The following ANXA2 variants were observed in gnomAD, a reference collection of about 807,000 sequenced individuals.
ANXA2 encodes annexin A2, also known as annexin II.
ANXA2 carries 28 observed loss-of-function variants against 47.3 expected under a neutral mutation model. The observed-to-expected ratio is 0.59, with a 90% CI of 0.44 to 0.81. The LOEUF is 0.81. Among genes scored for constraint, ANXA2 ranks in the 40% least tolerant of loss-of-function variants. The probability of loss-of-function intolerance (pLI) is 0.00; values close to 1 mark genes in which losing one functional copy is unlikely to be tolerated. For missense variants in ANXA2, 384 were observed against 414.3 expected (o/e 0.93, Z 0.64); for synonymous variants, 172 against 155.5 (o/e 1.11, Z -0.79).
At chr15:60,365,351 T>A (rs1335062436) in intron 3 of ANXA2, among the ~76,000 whole-genome samples, 1 of 152,184 alleles carries the variant, frequency 6.6e-6, no homozygotes, top group Non-Finnish European at 1.5e-5. Context: ...ACTCCTAACA[T>A]GCCATTTAAC....
Position 60,349,329 on chromosome 15 carries a change from C to T in ANXA2, c.838-132G>A, listed in dbSNP as rs747841703. 3.1e-4 allele frequency: 270 copies of T among 857,554 alleles called. 5 individuals are homozygous for T. The highest frequency in any genetic ancestry group is 1.9e-3 in the South Asian group (111 of 59,086). The allele number at this position is 857,554 out of a possible 1,614,324, so 53.1% of individuals were successfully genotyped here. A position where few individuals can be genotyped will look rare whatever the true frequency, so the allele number is the denominator to read the frequency against. ...CCAAAATCCAAAACTTTTTCAGTGC[C>T]GACATGATGCCACAATGAAAAATTC... On this transcript the variant is annotated intron_variant, in intron 11 of 12. Coordinates refer to ENST00000451270, the MANE Select transcript of ANXA2 (RefSeq NM_004039.3).
At chr15:60,385,058 T>C (rs2062913719) in intron 2 of ANXA2, among the ~76,000 whole-genome samples, 1 of 152,208 alleles carries the variant, frequency 6.6e-6, no homozygotes, top group Non-Finnish European at 1.5e-5. Flanking sequence ...ATAGCTTAAA[T>C]TTTTTATTTG....
chr15:60,362,588 C>T (rs955276179), intron 4 of ANXA2: 1 of 152,220 alleles, frequency 6.6e-6, no homozygotes, highest in African/African-American at 2.4e-5. Context: ...GCCCGTATCC[C>T]TAAAGAACTC....
At chr15:60,386,130 C>G (rs775453201) in intron 1 of ANXA2, 44 bp from the exon 2 acceptor site, 1 of 1,324,830 alleles carries the variant, frequency 7.5e-7, no homozygotes, top group Non-Finnish European at 1.1e-6. Context: ...AGAGGCTCTC[C>G]TTTACTCTGA....
chr15:60,387,980 G>A (rs866966499), intron 1 of ANXA2, among the ~76,000 whole-genome samples: 21 of 152,246 alleles, frequency 1.4e-4, no homozygotes, highest in African/African-American at 5.1e-4. Context: ...ACGAGGTCAG[G>A]AGATAGAGAC....
chr15:60,366,683 T>G (rs1174647286), intron 3 of ANXA2, among the ~76,000 whole-genome samples: 21 of 108,098 alleles, frequency 1.9e-4, no homozygotes, highest in South Asian at 3.3e-4. Flanking sequence ...GTGGGGGGGG[T>G]CAGCCCCCCG....
chr15:60,385,965 T>C lies in ANXA2; in HGVS notation c.48+63A>G, dbSNP rs2062927236. Reference sequence around the variant, plus strand: ...TTAGATGTACAAGGATAGAGAGTAATATGGTTATCCAGAGAGATGTCCAAC... The same window carrying C: ...TTAGATGTACAAGGATAGAGAGTAACATGGTTATCCAGAGAGATGTCCAAC... On this transcript the variant is annotated intron_variant, in intron 2 of 12. Coordinates refer to ENST00000451270, the MANE Select transcript of ANXA2 (RefSeq NM_004039.3). 3 of 1,095,542 alleles carry C rather than the reference T, an allele frequency of 2.7e-6. No homozygotes were observed. In the East Asian group the frequency reaches 7.1e-5, roughly 26 times the overall value. The allele number at this position is 1,095,542 out of a possible 1,614,324, so 67.9% of individuals were successfully genotyped here. A position where few individuals can be genotyped will look rare whatever the true frequency, so the allele number is the denominator to read the frequency against.
At chr15:60,367,284 G>A (rs1383640697) in intron 3 of ANXA2, among the ~76,000 whole-genome samples, 64 of 121,670 alleles carry the variant, frequency 5.3e-4, no homozygotes, top group East Asian at 1.4e-3. Flanking sequence ...TCAGCCCCCC[G>A]CCCGGCCAGC....
At chr15:60,386,164 T>C in intron 1 of ANXA2, 78 bp from the exon 2 acceptor site, 2 of 988,236 alleles carry the variant, frequency 2.0e-6, no homozygotes, top group South Asian at 1.4e-5. Flanking sequence ...ATTATGCTAA[T>C]TTCTACTCCT....
chr15:60,382,262 G>A (rs1595701137), intron 3 of ANXA2, 80 bp downstream of exon 3: 1 of 1,089,106 alleles, frequency 9.2e-7, no homozygotes, highest in Non-Finnish European at 1.4e-6. Context: ...CCAACGTATG[G>A]CGATTTGAGG....
chr15:60,351,111 T>A (rs543949397), intron 11 of ANXA2, 82 bp downstream of exon 11: 64 of 1,461,666 alleles, frequency 4.4e-5, no homozygotes, highest in Non-Finnish European at 6.0e-5. Flanking sequence ...CCTCCATCCA[T>A]GAATCAAGGA....
At chr15:60,385,756 T>C in intron 2 of ANXA2, 2 of 371,842 alleles carry the variant, frequency 5.4e-6, no homozygotes, top group East Asian at 4.8e-5. Flanking sequence ...ACCAATGACA[T>C]GCTAAGTATG....
chr15:60,364,548 G>A (rs767665262), intron 3 of ANXA2, 25 bp from the exon 4 acceptor site: 20 of 1,583,830 alleles, frequency 1.3e-5, no homozygotes, highest in East Asian at 2.2e-5. Context: ...GTTGTTAATC[G>A]TTACTCAGTA....
Position 60,386,091 on chromosome 15 carries a change from A to G in ANXA2, c.-11-5T>C. 1 of 1,605,474 alleles carries G rather than the reference A, an allele frequency of 6.2e-7. No homozygotes were observed. The highest frequency in any genetic ancestry group is 2.2e-5 in the East Asian group (1 of 44,796). On this transcript the variant is annotated splice_region_variant and splice_polypyrimidine_tract_variant and intron_variant, in intron 1 of 12. Coordinates refer to ENST00000451270, the MANE Select transcript of ANXA2 (RefSeq NM_004039.3). ...CAGTAGACATTTTGAAGGAAGCTGG[A>G]AAAAAAGTACAACAAAAAGTCTTTA...
At chr15:60,356,201 T>C (rs924179404) in intron 6 of ANXA2, among the ~76,000 whole-genome samples, 37 of 151,666 alleles carry the variant, frequency 2.4e-4, no homozygotes, top group African/African-American at 8.8e-4. Flanking sequence ...TTATTATCCA[T>C]AACAGGGGGC....
chr15:60,374,885 A>G (rs2062756841), intron 3 of ANXA2, among the ~76,000 whole-genome samples: 1 of 152,196 alleles, frequency 6.6e-6, no homozygotes, highest in Non-Finnish European at 1.5e-5. Context: ...CAGGAGGGTG[A>G]GAAGGCCCTG....
chr15:60,356,614 C>T (rs2062434223), intron 6 of ANXA2, among the ~76,000 whole-genome samples: 1 of 151,886 alleles, frequency 6.6e-6, no homozygotes, highest in Non-Finnish European at 1.5e-5. Context: ...ATCACATGTA[C>T]CCCCAAAATA....
Position 60,352,401 on chromosome 15 carries a change from C to A in ANXA2, c.664G>T (p.Val222Leu), listed in dbSNP as rs374077954. The A allele has an allele frequency of 1.9e-6, 3 of 1,613,550 alleles. No individual in the cohort carries two copies. In the South Asian group the frequency reaches 3.3e-5, roughly 18 times the overall value. The part of the protein sequence containing the change: ...KWISIMTERS[V>L]PHLQKVFDRY... ...TGCCCACCTTTCTGGAGGTGGGGCA[C>A]GCTCCGCTCGGTCATGATGCTGATC... Residue 222 changes from valine (V) to leucine (L), a missense_variant, in exon 9 of 13, where the codon GTG becomes TTG. Coordinates refer to ENST00000451270, the MANE Select transcript of ANXA2 (RefSeq NM_004039.3). The surrounding 1 kb of genome is among the most constrained non-coding windows in gnomAD (Gnocchi z 4.2).
In ANXA2 at chr15:60,348,477, G is replaced by A. The variant is rs555375667; in HGVS notation, c.960+598C>T. Among the ~76,000 whole-genome samples the A allele has an allele frequency of 1.1e-4, 17 of 152,342 alleles. No homozygotes were observed. The South Asian group carries it at 1.4e-3, about 13-fold the overall frequency. On this transcript the variant is annotated intron_variant, in intron 12 of 12. Coordinates refer to ENST00000451270, the MANE Select transcript of ANXA2 (RefSeq NM_004039.3). ...AAGTAAAATGTGGCCGGGCGCAGTG[G>A]CTCACGCCTGTCATCCCAGCACTTT...
Sources: gnomAD v4.1 joint callset for allele counts (sites outside exome capture counted in the v4.1 genomes callset) on GRCh38, gnomAD v4.1.1 for gene constraint, Gnocchi (gnomAD v3.1) non-coding constraint, MANE v1.5 for transcripts, NCBI Gene and HGNC (gene_info 2026-07-23, HGNC 2026-07-21) for gene names.